The following CFAP54 variants were observed in gnomAD, a reference collection of about 807,000 sequenced individuals.
The protein encoded by CFAP54 is cilia and flagella associated protein 54.
A neutral mutation model predicts 370.4 loss-of-function variants in CFAP54; 290 were observed. The observed-to-expected ratio is 0.78, with a 90% CI of 0.71 to 0.86. The LOEUF is 0.86. Ranked by LOEUF, CFAP54 falls within the 40% of genes least tolerant of loss-of-function variation. CFAP54 has a pLI of 0.00. For synonymous variants in CFAP54, 1,206 were observed against 1,236.5 expected (o/e 0.98, Z 0.52); for missense variants, 3,399 against 3,528.7 (o/e 0.96, Z 0.93).
intron 1 of CFAP54, among the ~76,000 whole-genome samples, chr12:96,494,137 A>G (rs990493162): frequency 6.6e-6 from 1 of 152,190 alleles, no homozygotes; most frequent in Non-Finnish European, 1.5e-5. Context: ...ATCCATTCCT[A>G]CTTCGGAGGA....
At chr12:96,594,811 G>T (rs931598382) in intron 25 of CFAP54, among the ~76,000 whole-genome samples, 1 of 152,088 alleles carries the variant, frequency 6.6e-6, no homozygotes, top group African/African-American at 2.4e-5. Flanking sequence ...CATGGTGGGA[G>T]ACCCAAGACA....
intron 36 of CFAP54, among the ~76,000 whole-genome samples, chr12:96,655,915 A>G (rs1220082603): frequency 3.9e-5 from 6 of 152,086 alleles, no homozygotes; most frequent in Admixed American, 3.3e-4. Context: ...ATGTTTTTGT[A>G]TAACTAATTT....
At chr12:96,874,300 A>G (rs1960236324) in intron 67 of CFAP54, among the ~76,000 whole-genome samples, 1 of 152,144 alleles carries the variant, frequency 6.6e-6, no homozygotes, top group African/African-American at 2.4e-5. Context: ...TAATATGCAT[A>G]TAGTGTCAAA....
intron 33 of CFAP54, chr12:96,646,983 A>T (rs1291856448): frequency 6.6e-6 from 1 of 152,154 alleles, no homozygotes; most frequent in Non-Finnish European, 1.5e-5. Flanking sequence ...GTATAGCATT[A>T]GGAGATATAC....
intron 1 of CFAP54, among the ~76,000 whole-genome samples, chr12:96,497,475 C>G (rs1360186229): frequency 6.6e-6 from 1 of 152,148 alleles, no homozygotes; most frequent in Admixed American, 6.5e-5. Flanking sequence ...GAAATAGACT[C>G]ACATAAATAT....
At chr12:96,668,777 G>C (rs1317145754) in intron 39 of CFAP54, among the ~76,000 whole-genome samples, 1 of 152,148 alleles carries the variant, frequency 6.6e-6, no homozygotes, top group African/African-American at 2.4e-5. Context: ...TCTGTTTCTG[G>C]TATCAAAAAG....
chr12:96,539,608 G>C (rs914820349), intron 13 of CFAP54, among the ~76,000 whole-genome samples: 1 of 152,000 alleles, frequency 6.6e-6, no homozygotes, highest in Non-Finnish European at 1.5e-5. Context: ...CCAGGAGGTG[G>C]AGGTTGCAGT....
intron 32 of CFAP54, among the ~76,000 whole-genome samples, chr12:96,641,964 A>T (rs1325570436): frequency 6.6e-6 from 1 of 151,380 alleles, no homozygotes; most frequent in African/African-American, 2.4e-5. Flanking sequence ...GCATTAGGAG[A>T]TATACCTGAT....
chr12:96,727,940 T>C (rs1334691466), intron 50 of CFAP54, among the ~76,000 whole-genome samples: 4 of 151,814 alleles, frequency 2.6e-5, no homozygotes, highest in Non-Finnish European at 5.9e-5. Flanking sequence ...TTATGAAGCT[T>C]AGTTTGGCTG....
At chr12:96,646,251 A>G (rs1377248077) in intron 33 of CFAP54, 1 of 152,240 alleles carries the variant, frequency 6.6e-6, no homozygotes, top group Non-Finnish European at 1.5e-5. Flanking sequence ...AAACAAATTT[A>G]CAAGAAAAAA....
At chr12:96,835,546 AT>A (rs1318459013) in intron 66 of CFAP54, among the ~76,000 whole-genome samples, 2 of 152,074 alleles carry the variant, frequency 1.3e-5, no homozygotes, top group African/African-American at 4.8e-5. Flanking sequence ...GCTGCCATTC[AT>A]TACATGCAGG....
chr12:96,776,063 A>G (rs12311958), intron 60 of CFAP54, among the ~76,000 whole-genome samples: 6,522 of 152,250 alleles, frequency 0.043, 336 homozygotes, highest in African/African-American at 0.12. Context: ...ATATGTATAC[A>G]ATAAATTAGG....
At chr12:96,607,148 A>G (rs1014707074) in intron 26 of CFAP54, among the ~76,000 whole-genome samples, 1 of 152,222 alleles carries the variant, frequency 6.6e-6, no homozygotes, top group African/African-American at 2.4e-5. Context: ...CTGACTTACC[A>G]GTGCTGGAGA....
intron 32 of CFAP54, among the ~76,000 whole-genome samples, chr12:96,643,595 A>T (rs1339665595): frequency 3.9e-5 from 6 of 152,220 alleles, no homozygotes. Flanking sequence ...AAGTTTTGAT[A>T]GGGATGATTT....
At chr12:96,519,096 A>T in intron 6 of CFAP54, 25 bp downstream of exon 6, 1 of 1,479,888 alleles carries the variant, frequency 6.8e-7, no homozygotes, top group Non-Finnish European at 8.9e-7. Context: ...AACTCTGAGG[A>T]GTCGAGTTTT....
chr12:96,676,092 A>C (rs971311852), intron 39 of CFAP54, among the ~76,000 whole-genome samples: 12 of 152,240 alleles, frequency 7.9e-5, no homozygotes, highest in African/African-American at 2.9e-4. Flanking sequence ...TATAATAAAA[A>C]AAGATACATG....
chr12:96,693,572 T>C (rs1957411019), intron 44 of CFAP54, 150 bp from the exon 45 acceptor site: 2 of 518,344 alleles, frequency 3.9e-6, no homozygotes, highest in African/African-American at 3.9e-5. Context: ...AGATAGATTA[T>C]TTCACTTATT....
intron 32 of CFAP54, among the ~76,000 whole-genome samples, chr12:96,634,838 T>C (rs1956647294): frequency 2.6e-5 from 4 of 152,240 alleles, no homozygotes; most frequent in Admixed American, 2.0e-4. Context: ...TTGAAAAGAC[T>C]ATCCTTCTTC....
In CFAP54 at chr12:96,825,077, C is replaced by T. The variant is rs1009355402; in HGVS notation, c.9097-3937C>T. Among the ~76,000 whole-genome samples the T allele has an allele frequency of 5.3e-5, 8 of 150,634 alleles. No individual in the cohort carries two copies. In the East Asian group the frequency reaches 1.6e-3, roughly 29 times the overall value. ...CCCACAATGCCCTGGTCCCCAATCT[C>T]TACCAGTTGAAGTTGCACTATTTTT... On this transcript the variant is annotated intron_variant, in intron 65 of 67. Transcript: ENST00000524981.
Sources: allele counts gnomAD v4.1 joint callset (sites outside exome capture counted in the v4.1 genomes callset), GRCh38; gene constraint gnomAD v4.1.1; transcripts MANE v1.5; gene names NCBI Gene and HGNC (gene_info 2026-07-23, HGNC 2026-07-21).